ETNK1: variants seen among roughly 807,000 people sequenced by gnomAD.
The protein encoded by ETNK1 is putative protein product of Nbla10396.
Under a neutral mutation model 45.1 loss-of-function variants are expected in ETNK1, and 8 were observed. The ratio of observed to expected loss-of-function variants is 0.18; its 90% confidence interval spans 0.10 to 0.32. The LOEUF is 0.32. Ranked by LOEUF, ETNK1 falls within the 10% of genes least tolerant of loss-of-function variation. The pLI, the probability that ETNK1 is intolerant of heterozygous loss-of-function variation, is 1.00. For synonymous variants in ETNK1, 152 were observed against 151.9 expected, an observed-to-expected ratio of 1.00 and a Z score of -0.01; for missense variants, 302 against 430.6, an observed-to-expected ratio of 0.70 and a Z score of 2.64.
chr12:22,677,943 C>A (rs572142995), intron 6 of ETNK1, among the ~76,000 whole-genome samples: 28 of 152,066 alleles, frequency 1.8e-4, no homozygotes, highest in South Asian at 8.3e-4. Context: ...GTTTTTGTTT[C>A]GATTCCTGTT....
At chr12:22,629,134 G>C (rs1953541694) in intron 1 of ETNK1, among the ~76,000 whole-genome samples, 1 of 152,084 alleles carries the variant, frequency 6.6e-6, no homozygotes, top group Non-Finnish European at 1.5e-5. Context: ...TATTATTGCT[G>C]CTGAGCACCT....
At chr12:22,670,045 T>C (rs1954092400) in intron 4 of ETNK1, among the ~76,000 whole-genome samples, 1 of 152,158 alleles carries the variant, frequency 6.6e-6, no homozygotes, top group Admixed American at 6.6e-5. Context: ...TAAAACACTA[T>C]TTGCCATGAC....
chr12:22,664,926 C>A (rs1248670808), intron 4 of ETNK1, among the ~76,000 whole-genome samples: 2 of 152,078 alleles, frequency 1.3e-5, no homozygotes, highest in Admixed American at 6.5e-5. Context: ...ATGTTTCAGA[C>A]CCTTAATTTC....
At chr12:22,638,721 C>G (rs1470526205) in intron 1 of ETNK1, 2 of 152,096 alleles carry the variant, frequency 1.3e-5, no homozygotes. Context: ...CTCACTTATG[C>G]TTTGATTAGT....
Position 22,625,183 on chromosome 12 carries a change from G to T in ETNK1, c.-248G>T, listed in dbSNP as rs1284572088. ...CCCGGCATGCTCTGCGGCCGCCCGC[G>T]GTCCAGCTCCGACAACAGGAATTTT... On this transcript the variant is annotated 5_prime_UTR_variant, in exon 1 of 8. Transcript: ENST00000266517. 6.2e-7 allele frequency: 1 copy of T among 1,601,280 alleles called. No individual in the cohort carries two copies. The highest frequency in any genetic ancestry group is 1.7e-5 in the Admixed American group (1 of 59,366).
rs200778161 is a variant in ETNK1, at chr12:22,625,211, C to G, written c.-220C>G. On this transcript the variant is annotated 5_prime_UTR_variant, in exon 1 of 8. Coordinates refer to ENST00000266517, the MANE Select transcript of ETNK1 (RefSeq NM_018638.5). The stretch of plus-strand genomic sequence containing the variant: ...CCAGCTCCGACAACAGGAATTTTCT[C>G]CGAGAGCGGGCCGGGCTCAGTTCAG... 163 of 1,610,008 alleles carry G rather than the reference C, an allele frequency of 1.0e-4. No homozygotes were observed. The highest frequency in any genetic ancestry group is 1.3e-4 in the Non-Finnish European group (150 of 1,178,248).
intron 2 of ETNK1, chr12:22,656,468 TGTTTGGAAAAC>T (rs1342092416): frequency 1.0e-6 from 1 of 985,246 alleles, no homozygotes; most frequent in African/African-American, 1.7e-5. Context: ...CTAAAGAGAC[TGTTTGGAAAAC>T]ATTTCCAAAT....
chr12:22,673,696 T>TA (rs1339041529), intron 6 of ETNK1, 36 bp downstream of exon 6: 8 of 1,533,492 alleles, frequency 5.2e-6, no homozygotes, highest in Non-Finnish European at 7.1e-6. Flanking sequence ...GAAAGGTTCT[T>TA]ACTGTAATTG....
intron 6 of ETNK1, chr12:22,682,479 T>C: frequency 3.6e-6 from 1 of 279,770 alleles, no homozygotes; most frequent in Non-Finnish European, 7.2e-6. Context: ...CAAATTCAAC[T>C]CAAAAGTCAG....
intron 4 of ETNK1, 49 bp downstream of exon 4, chr12:22,661,254 T>G (rs1390820276): frequency 2.0e-6 from 3 of 1,488,880 alleles, no homozygotes; most frequent in South Asian, 2.6e-5. Context: ...TTTTATGTTC[T>G]TAATGGTCAT....
At chr12:22,643,138 A>G (rs1953760164) in intron 1 of ETNK1, among the ~76,000 whole-genome samples, 4 of 152,202 alleles carry the variant, frequency 2.6e-5, no homozygotes, top group South Asian at 4.1e-4. Context: ...CTCTGAGTGT[A>G]TAACACAATG....
intron 1 of ETNK1, among the ~76,000 whole-genome samples, chr12:22,631,466 C>G (rs778125367): frequency 1.7e-4 from 26 of 152,112 alleles, no homozygotes; most frequent in Non-Finnish European, 2.9e-4. Context: ...TGAGCCACTG[C>G]GCCCGGTGGT....
At chr12:22,680,890 T>TTTC (rs1954208124) in intron 6 of ETNK1, among the ~76,000 whole-genome samples, 2 of 53,200 alleles carry the variant, frequency 3.8e-5, no homozygotes, top group African/African-American at 4.6e-5. Flanking sequence ...GAGCTTTTCT[T>TTTC]CCCCCGCCCC....
At chr12:22,683,167 A>G (rs1277610239) in intron 6 of ETNK1, among the ~76,000 whole-genome samples, 1 of 151,950 alleles carries the variant, frequency 6.6e-6, no homozygotes, top group African/African-American at 2.4e-5. Flanking sequence ...TTTAACTTTT[A>G]TGCTTCATGT....
intron 6 of ETNK1, among the ~76,000 whole-genome samples, chr12:22,674,439 C>T (rs1954140570): frequency 6.6e-6 from 1 of 152,086 alleles, no homozygotes; most frequent in South Asian, 2.1e-4. Flanking sequence ...TTAAAAGTAC[C>T]ATATGCCCAG....
rs1954281772 is a variant in ETNK1, at chr12:22,688,830, C to T, written c.*3876C>T. On this transcript the variant is annotated 3_prime_UTR_variant, in exon 8 of 8. Transcript: ENST00000266517. The stretch of plus-strand genomic sequence containing the variant: ...CATTAGATTCCAGAATGTCCTTTTA[C>T]TGGGAATTTAGTTATGTATTAAGAT... 1 of 151,820 alleles carries T rather than the reference C, an allele frequency of 6.6e-6. No homozygotes were observed. Among genetic ancestry groups the T allele is most frequent in the African/African-American group, 2.4e-5 (1 of 41,412 alleles). The allele number at this position is 151,820 out of a possible 1,614,324, so 9.4% of individuals were successfully genotyped here. A position where few individuals can be genotyped will look rare whatever the true frequency, so the allele number is the denominator to read the frequency against.
intron 1 of ETNK1, among the ~76,000 whole-genome samples, chr12:22,639,695 A>G (rs171888): frequency 0.016 from 2,402 of 152,204 alleles, 76 homozygotes; most frequent in African/African-American, 0.056. Flanking sequence ...AGGAAGATCT[A>G]GAACCTTGAT....
At chr12:22,675,485 A>G (rs1592136165) in intron 6 of ETNK1, among the ~76,000 whole-genome samples, 1 of 150,964 alleles carries the variant, frequency 6.6e-6, no homozygotes, top group African/African-American at 2.4e-5. Context: ...CCTCCCAAGT[A>G]GCTAGGACTA....
intron 4 of ETNK1, 81 bp downstream of exon 4, chr12:22,661,286 TAAATTCA>T (rs1293859287): frequency 4.1e-6 from 5 of 1,233,954 alleles, no homozygotes; most frequent in Non-Finnish European, 5.5e-6. Flanking sequence ...ATCAACAAAA[TAAATTCA>T]AATGCAAGGA....
Sources: allele counts gnomAD v4.1 joint callset (sites outside exome capture counted in the v4.1 genomes callset), GRCh38; gene constraint gnomAD v4.1.1; transcripts MANE v1.5; gene names NCBI Gene and HGNC (gene_info 2026-07-23, HGNC 2026-07-21).